The following GLIS1 variants were observed in gnomAD, a reference collection of about 807,000 sequenced individuals.
The protein encoded by GLIS1 is GLIS family zinc finger 1.
In GLIS1, 24 loss-of-function variants were observed where a neutral mutation model predicts 63.8. The ratio of observed to expected loss-of-function variants is 0.38; its 90% confidence interval spans 0.27 to 0.53. The LOEUF (loss-of-function observed/expected upper bound fraction) is 0.53, where lower values mean the gene tolerates loss of function less well. Among genes scored for constraint, GLIS1 ranks in the 20% least tolerant of loss-of-function variants. The probability of loss-of-function intolerance (pLI) is 0.85; values close to 1 mark genes in which losing one functional copy is unlikely to be tolerated. For missense variants in GLIS1, 1,036 were observed against 1,074.1 expected, an observed-to-expected ratio of 0.96 and a Z score of 0.50; for synonymous variants, 450 against 482.5, an observed-to-expected ratio of 0.93 and a Z score of 0.88.
intron 2 of GLIS1, among the ~76,000 whole-genome samples, chr1:53,601,115 G>A (rs1645313211): frequency 6.6e-6 from 1 of 152,150 alleles, no homozygotes; most frequent in Non-Finnish European, 1.5e-5. Flanking sequence ...CAAAGCTAGG[G>A]AGGAAAGGAC....
intron 2 of GLIS1, among the ~76,000 whole-genome samples, chr1:53,718,824 A>G (rs1646724729): frequency 6.6e-6 from 1 of 152,144 alleles, no homozygotes; most frequent in Non-Finnish European, 1.5e-5. Flanking sequence ...AGTAATTAAA[A>G]TGTCCTGTCC....
chr1:53,594,719 G>A lies in GLIS1; in HGVS notation c.709C>T (p.Leu237=), dbSNP rs751918802. The A allele has an allele frequency of 6.4e-7, 1 of 1,564,754 alleles. No individual in the cohort carries two copies. Among genetic ancestry groups the A allele is most frequent in the South Asian group, 1.2e-5 (1 of 82,452 alleles). ...QPETHLPEGS[L]KRCCVLGLPP... ...AGGCCCAAGACGCAGCACCGCTTCA[G>A]GCTGCCCTCGGGGAGGTGGGTCTCG... Residue 237 remains leucine, a synonymous_variant, in exon 4 of 11, where the codon CTG becomes TTG. Coordinates refer to ENST00000628545, the MANE Select transcript of GLIS1 (RefSeq NM_001367484.1).
chr1:53,552,911 G>A (rs2100408509), intron 4 of GLIS1, among the ~76,000 whole-genome samples: 1 of 152,366 alleles, frequency 6.6e-6, no homozygotes, highest in African/African-American at 2.4e-5. Context: ...GCAACCCTGG[G>A]AGGCAGCAAG....
rs778486361 is a variant in GLIS1 at position 53,594,713 on chromosome 1, G to A, written c.715C>T (p.Arg239Trp). ...GGGGGTAGGCCCAAGACGCAGCACC[G>A]CTTCAGGCTGCCCTCGGGGAGGTGG... is the stretch of plus-strand genomic sequence containing the variant. ...ETHLPEGSLKRCCVLGLPPTS... is the reference protein window; with the variant it reads ...ETHLPEGSLKWCCVLGLPPTS... Residue 239 changes from arginine to tryptophan, a missense_variant, in exon 4 of 11, where the codon CGG becomes TGG. Arg to Trp is a moderately radical substitution (Grantham distance 101). Coordinates refer to ENST00000628545, the MANE Select transcript of GLIS1 (RefSeq NM_001367484.1). 2.5e-5 allele frequency: 39 copies of A among 1,562,770 alleles called. No homozygotes were observed. Among genetic ancestry groups the A allele is most frequent in the South Asian group, 2.4e-4 (20 of 82,090 alleles).
At position 53,594,919 on chromosome 1, in the gene GLIS1, A is replaced by T; in HGVS notation, c.509T>A (p.Leu170Ter). 6.6e-7 allele frequency: 1 copy of T among 1,510,814 alleles called. No individual in the cohort carries two copies. Among genetic ancestry groups the T allele is most frequent in the Non-Finnish European group, 8.8e-7 (1 of 1,138,224 alleles). 93.6% of individuals were successfully genotyped at this position (1,510,814 alleles called of 1,614,324 possible). A position where few individuals can be genotyped will look rare whatever the true frequency, so the allele number is the denominator to read the frequency against. Residue 170 changes from leucine to a stop codon, truncating the protein, a stop_gained, in exon 4 of 11, where the codon TTG (leucine) becomes TAG (stop). Coordinates refer to ENST00000628545, the MANE Select transcript of GLIS1 (RefSeq NM_001367484.1). LOFTEE classifies it high-confidence loss of function. ...PTTQHIKQES[L>*]PDYQAMAEAR... ...CTCTGCCATGGCTTGGTAGTCGGGC[A>T]AGGACTCCTGTTTGATGTGTTGTGT...
At position 53,659,702 on chromosome 1, in the gene GLIS1, G is replaced by C. The variant is rs371080646; in HGVS notation, c.260-59424C>G. On this transcript the variant is annotated intron_variant, in intron 2 of 10. Transcript: ENST00000628545. ...CTCTGCAGCACTGAGAAGGGGCTGAGCGCCTGGACCCACCCCCACCAGCGG... is the reference window on the plus strand; with the variant it reads ...CTCTGCAGCACTGAGAAGGGGCTGACCGCCTGGACCCACCCCCACCAGCGG... Among the ~76,000 whole-genome samples, 37 of 152,318 alleles carry C rather than the reference G, an allele frequency of 2.4e-4. 1 individual carries two copies. In the East Asian group the frequency reaches 3.3e-3, roughly 14 times the overall value.
chr1:53,663,291 C>G (rs375128905), intron 2 of GLIS1, among the ~76,000 whole-genome samples: 2 of 152,244 alleles, frequency 1.3e-5, no homozygotes, highest in African/African-American at 2.4e-5. Context: ...GCTGGGCCCA[C>G]AGCAGGCAGG....
At chr1:53,590,885 G>A (rs1002455073) in intron 4 of GLIS1, among the ~76,000 whole-genome samples, 3 of 152,194 alleles carry the variant, frequency 2.0e-5, no homozygotes, top group African/African-American at 7.2e-5. Context: ...GCAGAGGGGA[G>A]CTGGGCTCCT....
chr1:53,597,211 A>AC (rs1645266342), intron 3 of GLIS1, among the ~76,000 whole-genome samples: 1 of 114,952 alleles, frequency 8.7e-6, no homozygotes, highest in Non-Finnish European at 1.8e-5. Flanking sequence ...AAAAAAAAAA[A>AC]CACTACAAAA....
chr1:53,568,204 C>T (rs973100076), intron 4 of GLIS1, among the ~76,000 whole-genome samples: 1 of 152,214 alleles, frequency 6.6e-6, no homozygotes, highest in Non-Finnish European at 1.5e-5. Context: ...GACATGGAGT[C>T]AAAGGAGATT....
chr1:53,629,380 G>A (rs533184047), intron 2 of GLIS1, among the ~76,000 whole-genome samples: 109 of 152,242 alleles, frequency 7.2e-4, no homozygotes, highest in Middle Eastern at 3.4e-3. Flanking sequence ...AGCATCATGC[G>A]GCACAGATGG....
At chr1:53,600,493 G>A (rs1249706303) in intron 2 of GLIS1, among the ~76,000 whole-genome samples, 2 of 152,110 alleles carry the variant, frequency 1.3e-5, no homozygotes, top group Non-Finnish European at 2.9e-5. Flanking sequence ...TCTCAGATGG[G>A]GATGCTAGGT....
intron 2 of GLIS1, among the ~76,000 whole-genome samples, chr1:53,660,515 T>C (rs1052433573): frequency 1.3e-5 from 2 of 152,156 alleles, no homozygotes; most frequent in Admixed American, 1.3e-4. Context: ...TTCTACACTC[T>C]ACCCTAGAGC....
chr1:53,736,889 T>G (rs1205599763), intron 2 of GLIS1, among the ~76,000 whole-genome samples: 2 of 152,082 alleles, frequency 1.3e-5, no homozygotes, highest in African/African-American at 4.8e-5. Flanking sequence ...ACCCAAACTG[T>G]TTTTGTCTTC....
At chr1:53,701,212 C>G (rs1285728677) in intron 2 of GLIS1, among the ~76,000 whole-genome samples, 1 of 152,196 alleles carries the variant, frequency 6.6e-6, no homozygotes, top group Non-Finnish European at 1.5e-5. Flanking sequence ...CTATTTTCCC[C>G]AGCAAAAGCA....
At chr1:53,661,913 C>T (rs751278740) in intron 2 of GLIS1, among the ~76,000 whole-genome samples, 20 of 152,144 alleles carry the variant, frequency 1.3e-4, no homozygotes, top group African/African-American at 4.1e-4. Context: ...CTGAGGTCTC[C>T]GCTGGGCTGT....
In GLIS1 at chr1:53,526,323, G is replaced by C. The variant is rs1406596340; in HGVS notation, c.1483-1436C>G. On this transcript the variant is annotated intron_variant, in intron 5 of 10. Coordinates refer to ENST00000628545, the MANE Select transcript of GLIS1 (RefSeq NM_001367484.1). The surrounding 1 kb of genome is among the most constrained non-coding windows in gnomAD (Gnocchi z 4.4). ...ATGGCCCTGGGACCTCATGAGGAGG[G>C]GAAGCAGAAAGAGACGACCATACCT... 6.6e-6 allele frequency among the ~76,000 whole-genome samples: 1 copy of C among 152,170 alleles called. No individual in the cohort carries two copies. The highest frequency in any genetic ancestry group is 1.5e-5 in the Non-Finnish European group (1 of 68,030).
chr1:53,603,906 A>G lies in GLIS1; in HGVS notation c.260-3628T>C, dbSNP rs1056553945. ...CCATCTATTTCATTAATAGATAAGA[A>G]GCTAAGGCTCAGAGAAGGAAAGGGC... On this transcript the variant is annotated intron_variant, in intron 2 of 10. Transcript: ENST00000628545. Among the ~76,000 whole-genome samples, 6 of 152,368 alleles carry G rather than the reference A, an allele frequency of 3.9e-5. No homozygotes were observed. In the East Asian group the frequency reaches 9.6e-4, roughly 24 times the overall value.
intron 2 of GLIS1, among the ~76,000 whole-genome samples, chr1:53,723,382 G>A (rs1005620054): frequency 1.3e-5 from 2 of 151,730 alleles, no homozygotes; most frequent in African/African-American, 2.4e-5. Context: ...GGGATCACAG[G>A]TGCGTGCCAC....
Sources: gnomAD v4.1 joint callset for allele counts (sites outside exome capture counted in the v4.1 genomes callset) on GRCh38, gnomAD v4.1.1 for gene constraint, Gnocchi (gnomAD v3.1) non-coding constraint, MANE v1.5 for transcripts, NCBI Gene and HGNC (gene_info 2026-07-23, HGNC 2026-07-21) for gene names.